The following SCFD2 variants were observed in gnomAD, a reference collection of about 807,000 sequenced individuals.
The protein encoded by SCFD2 is sec1 family domain-containing protein 2.
A neutral mutation model predicts 58.9 loss-of-function variants in SCFD2; 54 were observed. That is an observed-to-expected ratio of 0.92 (90% CI 0.74 to 1.15). The LOEUF is 1.15. SCFD2 is among the 50% of genes most tolerant of loss of function. The probability of loss-of-function intolerance (pLI) is 0.00; values close to 1 mark genes in which losing one functional copy is unlikely to be tolerated. For missense variants in SCFD2, 805 were observed against 836.6 expected (o/e 0.96, Z 0.47); for synonymous variants, 321 against 335.9 (o/e 0.96, Z 0.49).
chr4:53,325,818 GGTA>G (rs1733175222), intron 2 of SCFD2, among the ~76,000 whole-genome samples: 1 of 152,140 alleles, frequency 6.6e-6, no homozygotes, highest in South Asian at 2.1e-4. Context: ...ATATTTAACA[GGTA>G]GCTTCTTGTT....
intron 4 of SCFD2, among the ~76,000 whole-genome samples, chr4:53,235,954 A>G (rs1729592223): frequency 1.3e-5 from 2 of 152,196 alleles, no homozygotes; most frequent in African/African-American, 4.8e-5. Flanking sequence ...TAAAAAAGCA[A>G]ATGGTTAGAG....
In SCFD2 at chr4:52,874,154, T is replaced by C. The variant is rs1022214687; in HGVS notation, c.1963-93A>G. 1.8e-5 allele frequency: 16 copies of C among 871,598 alleles called. No individual in the cohort carries two copies. In the African/African-American group the frequency reaches 2.1e-4, roughly 12 times the overall value. The allele number at this position is 871,598 out of a possible 1,614,324, so 54.0% of individuals were successfully genotyped here. A position where few individuals can be genotyped will look rare whatever the true frequency, so the allele number is the denominator to read the frequency against. On this transcript the variant is annotated intron_variant, in intron 8 of 8. Transcript: ENST00000401642. ...GAGAAATAGAATGCAACAAATGTCT[T>C]TGGGGGAGGGCATGAAGTGAAGTTC...
chr4:52,880,142 T>C (rs534972462), intron 8 of SCFD2, among the ~76,000 whole-genome samples: 8 of 152,166 alleles, frequency 5.3e-5, no homozygotes, highest in Non-Finnish European at 1.2e-4. Flanking sequence ...GCTGTGCTTA[T>C]AAGGCTCTCA....
chr4:53,232,794 C>A (rs76396344), intron 4 of SCFD2, among the ~76,000 whole-genome samples: 5,441 of 152,222 alleles, frequency 0.036, 168 homozygotes, highest in Non-Finnish European at 0.053. Context: ...GAGAAAAAAA[C>A]CAGACAGACT....
intron 4 of SCFD2, among the ~76,000 whole-genome samples, chr4:53,154,016 T>C (rs1370780171): frequency 6.6e-6 from 1 of 152,194 alleles, no homozygotes; most frequent in African/African-American, 2.4e-5. Context: ...ATTGAACCAC[T>C]CTCTAATAAG....
At chr4:53,230,088 G>T (rs1009781183) in intron 4 of SCFD2, among the ~76,000 whole-genome samples, 14 of 152,182 alleles carry the variant, frequency 9.2e-5, no homozygotes, top group Non-Finnish European at 1.9e-4. Flanking sequence ...TCTCACACCA[G>T]TTAGAATGGC....
intron 2 of SCFD2, among the ~76,000 whole-genome samples, chr4:53,343,092 A>G (rs555672432): frequency 5.9e-5 from 9 of 152,338 alleles, no homozygotes; most frequent in South Asian, 2.1e-4. Flanking sequence ...AGAAGAAGGC[A>G]AGAAATAACG....
intron 4 of SCFD2, among the ~76,000 whole-genome samples, chr4:53,185,603 T>C (rs1485393770): frequency 2.6e-5 from 4 of 152,084 alleles, no homozygotes; most frequent in Non-Finnish European, 5.9e-5. Flanking sequence ...TATAATTTTT[T>C]AAAACTCTTT....
At chr4:52,926,027 G>C (rs964910690) in intron 5 of SCFD2, among the ~76,000 whole-genome samples, 10 of 152,080 alleles carry the variant, frequency 6.6e-5, no homozygotes, top group Admixed American at 5.2e-4. Context: ...AGCAGAGTGA[G>C]AGGAATGGTT....
At chr4:53,198,669 ATG>A (rs920262887) in intron 4 of SCFD2, among the ~76,000 whole-genome samples, 2 of 147,848 alleles carry the variant, frequency 1.4e-5, no homozygotes, top group African/African-American at 2.5e-5. Context: ...GTGTGAGTGA[ATG>A]TGTGTGTGTG....
At chr4:53,261,590 T>C (rs1258179340) in intron 4 of SCFD2, among the ~76,000 whole-genome samples, 3 of 152,222 alleles carry the variant, frequency 2.0e-5, no homozygotes, top group African/African-American at 7.2e-5. Flanking sequence ...AGAGAGTATC[T>C]ACTATAATTT....
intron 5 of SCFD2, among the ~76,000 whole-genome samples, chr4:53,052,841 G>A (rs1267897499): frequency 6.6e-6 from 1 of 152,142 alleles, no homozygotes; most frequent in Non-Finnish European, 1.5e-5. Context: ...GCAACAACAT[G>A]ATGGATCTGA....
intron 2 of SCFD2, among the ~76,000 whole-genome samples, chr4:53,347,397 C>G (rs979767154): frequency 1.3e-5 from 2 of 152,140 alleles, no homozygotes; most frequent in African/African-American, 4.8e-5. Flanking sequence ...GTGAATAAAT[C>G]AGATAAATAT....
chr4:53,312,065 G>A (rs1365142542), intron 3 of SCFD2, among the ~76,000 whole-genome samples: 6 of 152,048 alleles, frequency 3.9e-5, no homozygotes, highest in African/African-American at 9.7e-5. Context: ...GGAGATGGAG[G>A]GACAGAAGGA....
chr4:52,979,951 C>T (rs1037346951), intron 5 of SCFD2, among the ~76,000 whole-genome samples: 1 of 152,158 alleles, frequency 6.6e-6, no homozygotes, highest in African/African-American at 2.4e-5. Context: ...GTTCTCATCA[C>T]CTCTGGATTA....
chr4:52,876,632 C>T (rs900854751), intron 8 of SCFD2, among the ~76,000 whole-genome samples: 1 of 151,886 alleles, frequency 6.6e-6, no homozygotes, highest in African/African-American at 2.4e-5. Flanking sequence ...TGCCTGCAGT[C>T]CCAGCTACTT....
At chr4:53,291,324 C>T (rs1258756433) in intron 3 of SCFD2, among the ~76,000 whole-genome samples, 4 of 152,032 alleles carry the variant, frequency 2.6e-5, no homozygotes, top group African/African-American at 9.7e-5. Flanking sequence ...CATTTCTTTA[C>T]ACCAACAACA....
chr4:53,258,577 T>TATATATACAC (rs757658747), intron 4 of SCFD2, among the ~76,000 whole-genome samples: 16 of 121,390 alleles, frequency 1.3e-4, no homozygotes, highest in African/African-American at 4.4e-4. Context: ...TATATATATA[T>TATATATACAC]ACACACACAT....
intron 5 of SCFD2, among the ~76,000 whole-genome samples, chr4:53,134,770 A>G (rs1725889678): frequency 6.6e-6 from 1 of 152,200 alleles, no homozygotes; most frequent in Non-Finnish European, 1.5e-5. Flanking sequence ...TTTCTTAAAG[A>G]CCTAGAGCTC....
Sources: allele counts gnomAD v4.1 joint callset (sites outside exome capture counted in the v4.1 genomes callset), GRCh38; gene constraint gnomAD v4.1.1; transcripts MANE v1.5; gene names NCBI Gene and HGNC (gene_info 2026-07-23, HGNC 2026-07-21).